The following CSMD1 variants were observed in gnomAD, a reference collection of about 807,000 sequenced individuals.
The protein encoded by CSMD1 is CUB and Sushi multiple domains 1, also known as CUB and sushi domain-containing protein 1.
In CSMD1, 213 loss-of-function variants were observed where a neutral mutation model predicts 417.5. That is an observed-to-expected ratio of 0.51 (90% CI 0.46 to 0.57). CSMD1 has a LOEUF of 0.57. CSMD1 is among the 20% of genes least tolerant of loss of function. CSMD1 has a pLI of 0.00. For synonymous variants in CSMD1, 2,862 were observed against 1,736.8 expected, an observed-to-expected ratio of 1.65 and a Z score of -16.11; for missense variants, 6,923 against 4,529.7, an observed-to-expected ratio of 1.53 and a Z score of -15.17.
intron 1 of CSMD1, among the ~76,000 whole-genome samples, chr8:4,900,883 C>T (rs1226522743): frequency 1.3e-5 from 2 of 152,206 alleles, no homozygotes; most frequent in Non-Finnish European, 2.9e-5. Context: ...AGCACAGTCA[C>T]CGTAAGGGCA....
intron 3 of CSMD1, among the ~76,000 whole-genome samples, chr8:4,182,493 C>T (rs1228158906): frequency 2.0e-5 from 3 of 152,104 alleles, no homozygotes; most frequent in African/African-American, 7.2e-5. Flanking sequence ...AGATACGTCA[C>T]ATTATTAGCG....
At chr8:4,696,950 G>A (rs1014041919) in intron 1 of CSMD1, among the ~76,000 whole-genome samples, 1 of 152,166 alleles carries the variant, frequency 6.6e-6, no homozygotes, top group Non-Finnish European at 1.5e-5. Flanking sequence ...GAGCTGGGTA[G>A]ATCATGAGGT....
At chr8:3,182,138 T>A (rs571895144) in intron 36 of CSMD1, among the ~76,000 whole-genome samples, 4 of 152,312 alleles carry the variant, frequency 2.6e-5, no homozygotes, top group East Asian at 3.9e-4. Flanking sequence ...ATAATTTAAA[T>A]AACAAAGCAA....
chr8:4,755,253 G>C (rs1408952655), intron 1 of CSMD1, among the ~76,000 whole-genome samples: 1 of 152,110 alleles, frequency 6.6e-6, no homozygotes, highest in Non-Finnish European at 1.5e-5. Flanking sequence ...TACTCATGTA[G>C]GACAATATTT....
chr8:3,108,809 A>C (rs570609319), intron 43 of CSMD1, 61 bp from the exon 44 acceptor site: 8 of 1,489,944 alleles, frequency 5.4e-6, no homozygotes, highest in Non-Finnish European at 6.4e-6. Flanking sequence ...AGATTTATGG[A>C]AACTTTGGCT....
intron 5 of CSMD1, among the ~76,000 whole-genome samples, chr8:3,787,144 C>G (rs1361945421): frequency 6.6e-6 from 1 of 152,060 alleles, no homozygotes; most frequent in East Asian, 1.9e-4. Flanking sequence ...AAAACATATT[C>G]TGAACATGTA....
chr8:3,666,290 TTG>T (rs1798691063), intron 7 of CSMD1, among the ~76,000 whole-genome samples: 1 of 152,202 alleles, frequency 6.6e-6, no homozygotes, highest in South Asian at 2.1e-4. Context: ...AGTCTATAGA[TTG>T]TGAGAACCGA....
intron 3 of CSMD1, among the ~76,000 whole-genome samples, chr8:4,073,784 T>C (rs890018970): frequency 2.0e-5 from 3 of 152,082 alleles, no homozygotes; most frequent in Non-Finnish European, 2.9e-5. Context: ...AAATACAAAA[T>C]TTTGCTAAAT....
At chr8:3,281,884 C>G (rs1379906016) in intron 26 of CSMD1, among the ~76,000 whole-genome samples, 1 of 152,100 alleles carries the variant, frequency 6.6e-6, no homozygotes, top group Non-Finnish European at 1.5e-5. Flanking sequence ...TGGTTTAGTA[C>G]CATCCCCCAG....
chr8:3,750,770 C>G (rs1159861967), intron 6 of CSMD1, among the ~76,000 whole-genome samples: 1 of 152,144 alleles, frequency 6.6e-6, no homozygotes, highest in South Asian at 2.1e-4. Flanking sequence ...GGCAGGGACT[C>G]TGAGAAGGGC....
At chr8:4,810,547 G>A (rs537023866) in intron 1 of CSMD1, among the ~76,000 whole-genome samples, 27 of 152,256 alleles carry the variant, frequency 1.8e-4, no homozygotes, top group African/African-American at 6.0e-4. Context: ...GTGTGCGCAC[G>A]CGCGTATGTG....
intron 1 of CSMD1, among the ~76,000 whole-genome samples, chr8:4,701,183 C>G (rs946565626): frequency 6.6e-6 from 1 of 152,092 alleles, no homozygotes; most frequent in African/African-American, 2.4e-5. Flanking sequence ...GAGAGTCCGT[C>G]CGCTGTGTGC....
intron 3 of CSMD1, among the ~76,000 whole-genome samples, chr8:4,167,201 T>C (rs540243514): frequency 6.6e-6 from 1 of 152,334 alleles, no homozygotes; most frequent in South Asian, 2.1e-4. Flanking sequence ...AGAGGGCCTG[T>C]ATTTTAACTT....
chr8:3,858,744 T>C (rs1329200899), intron 5 of CSMD1, among the ~76,000 whole-genome samples: 2 of 152,180 alleles, frequency 1.3e-5, no homozygotes, highest in Admixed American at 6.6e-5. Context: ...CAAAATAACT[T>C]TGGATGTTAC....
At chr8:4,321,780 A>T (rs1394626872) in intron 3 of CSMD1, among the ~76,000 whole-genome samples, 1 of 152,134 alleles carries the variant, frequency 6.6e-6, no homozygotes, top group Non-Finnish European at 1.5e-5. Flanking sequence ...GAAAATTTAC[A>T]ATTTTTTTTC....
At chr8:3,913,496 G>A (rs558722193) in intron 5 of CSMD1, among the ~76,000 whole-genome samples, 7 of 152,162 alleles carry the variant, frequency 4.6e-5, no homozygotes, top group African/African-American at 1.4e-4. Flanking sequence ...TGTCCCAGAA[G>A]TGAACAAAAA....
At position 3,708,407 on chromosome 8, in the gene CSMD1, G is replaced by C. The variant is rs1801301680; in HGVS notation, c.1009+7C>G. On this transcript the variant is annotated splice_region_variant and intron_variant, in intron 7 of 69. Coordinates refer to ENST00000635120, the MANE Select transcript of CSMD1 (RefSeq NM_033225.6). The stretch of plus-strand genomic sequence containing the variant: ...TCAATCCTCAGATAGAAAGGAAAGG[G>C]ACTCACAGACAGAGTTTTTATGGCT... 10 of 1,612,302 alleles carry C rather than the reference G, an allele frequency of 6.2e-6. No individual in the cohort carries two copies. The highest frequency in any genetic ancestry group is 1.1e-5 in the South Asian group (1 of 91,056).
intron 8 of CSMD1, among the ~76,000 whole-genome samples, chr8:3,597,422 T>TATGATCAGATGATCA (rs11271261): frequency 0.54 from 82,034 of 151,782 alleles, 24,542 homozygotes; most frequent in African/African-American, 0.79. Context: ...AGTAGGGAAC[T>TATGATCAGATGATCA]ACTTTCAATG....
chr8:4,171,306 G>C (rs749887959), intron 3 of CSMD1, among the ~76,000 whole-genome samples: 2 of 151,848 alleles, frequency 1.3e-5, no homozygotes, highest in Non-Finnish European at 2.9e-5. Context: ...CCCTACGCCA[G>C]GCTGTTTTCC....
Sources: allele counts gnomAD v4.1 joint callset (sites outside exome capture counted in the v4.1 genomes callset), GRCh38; gene constraint gnomAD v4.1.1; transcripts MANE v1.5; gene names NCBI Gene and HGNC (gene_info 2026-07-23, HGNC 2026-07-21).